Variants in SLC25A21 observed in about 807,000 individuals in gnomAD.
SLC25A21 encodes solute carrier family 25 member 21, also known as mitochondrial 2-oxodicarboxylate carrier.
Under a neutral mutation model 43.8 loss-of-function variants are expected in SLC25A21, and 47 were observed. The ratio of observed to expected loss-of-function variants is 1.07; its 90% confidence interval spans 0.85 to 1.37. SLC25A21 has a LOEUF of 1.37. Ranked by LOEUF, SLC25A21 falls within the 40% of genes most tolerant of loss-of-function variation. The pLI, the probability that SLC25A21 is intolerant of heterozygous loss-of-function variation, is 0.00. For missense variants in SLC25A21, 352 were observed against 350.2 expected (o/e 1.00, Z -0.04); for synonymous variants, 131 against 121.3 (o/e 1.08, Z -0.52).
chr14:36,727,330 A>G (rs745542698), intron 5 of SLC25A21, among the ~76,000 whole-genome samples: 2 of 152,266 alleles, frequency 1.3e-5, no homozygotes, highest in Non-Finnish European at 2.9e-5. Context: ...TTAAGGCTCA[A>G]AATAATGTGT....
chr14:37,123,186 T>C lies in SLC25A21; in HGVS notation c.70+49095A>G, dbSNP rs189771641. Reference sequence around the variant, plus strand: ...GGTTATTGCTTAATGCTGTAAGTGATTTCTTGGACTACTTTAACCTACAGG... The same window carrying C: ...GGTTATTGCTTAATGCTGTAAGTGACTTCTTGGACTACTTTAACCTACAGG... On this transcript the variant is annotated intron_variant, in intron 1 of 9. Coordinates refer to ENST00000331299, the MANE Select transcript of SLC25A21 (RefSeq NM_030631.4). Among the ~76,000 whole-genome samples, 64 of 152,334 alleles carry C rather than the reference T, an allele frequency of 4.2e-4. No homozygotes were observed. In the East Asian group the frequency reaches 9.4e-3, roughly 22 times the overall value.
intron 3 of SLC25A21, among the ~76,000 whole-genome samples, chr14:36,744,044 C>G (rs545294472): frequency 6.6e-6 from 1 of 152,152 alleles, no homozygotes; most frequent in South Asian, 2.1e-4. Flanking sequence ...ATAGATGACA[C>G]AAACAAGTGG....
rs1290711375 is a variant in SLC25A21 at position 37,098,797 on chromosome 14, ATAGATAGATT to A, written c.70+73474_70+73483del. Among the ~76,000 whole-genome samples, 32 of 103,366 alleles carry A rather than the reference ATAGATAGATT, an allele frequency of 3.1e-4. 1 individual carries two copies. The highest frequency in any genetic ancestry group is 1.2e-3 in the African/African-American group (30 of 24,416). The allele number at this position is 103,366 out of a possible 152,430, so 67.8% of individuals were successfully genotyped here. A position where few individuals can be genotyped will look rare whatever the true frequency, so the allele number is the denominator to read the frequency against. On this transcript the variant is annotated intron_variant, in intron 1 of 9. Coordinates refer to ENST00000331299, the MANE Select transcript of SLC25A21 (RefSeq NM_030631.4). ...GACAGACAGACAGACAGATAGATAG[ATAGATAGATT>A]TTTTTTTTTTTTTGAGACAAAGTCT... is the stretch of plus-strand genomic sequence containing the variant.
intron 1 of SLC25A21, among the ~76,000 whole-genome samples, chr14:37,020,121 A>T (rs1960952273): frequency 6.6e-6 from 1 of 151,970 alleles, no homozygotes; most frequent in Non-Finnish European, 1.5e-5. Flanking sequence ...TAAGAATGCC[A>T]GCTAATTTTC....
intron 3 of SLC25A21, among the ~76,000 whole-genome samples, chr14:36,750,882 A>C (rs541026514): frequency 1.2e-4 from 19 of 152,160 alleles, no homozygotes; most frequent in African/African-American, 4.3e-4. Context: ...ACTGTTTTTG[A>C]GCCAAAGACT....
intron 5 of SLC25A21, among the ~76,000 whole-genome samples, chr14:36,728,037 C>T (rs1168151815): frequency 6.6e-6 from 1 of 152,154 alleles, no homozygotes; most frequent in African/African-American, 2.4e-5. Context: ...GTTCAGCAGT[C>T]CCTTGTCAAA....
intron 1 of SLC25A21, among the ~76,000 whole-genome samples, chr14:36,910,764 C>A (rs1326340835): frequency 6.6e-6 from 1 of 152,168 alleles, no homozygotes; most frequent in African/African-American, 2.4e-5. Flanking sequence ...TTCGGAATTA[C>A]AGTCATTTCA....
At chr14:36,905,686 T>G (rs2138604538) in intron 1 of SLC25A21, among the ~76,000 whole-genome samples, 1 of 152,256 alleles carries the variant, frequency 6.6e-6, no homozygotes, top group South Asian at 2.1e-4. Context: ...CACAGAGGTC[T>G]GAAGGAGAAA....
chr14:36,998,794 G>GA (rs1594745186), intron 1 of SLC25A21, among the ~76,000 whole-genome samples: 1 of 151,400 alleles, frequency 6.6e-6, no homozygotes, highest in South Asian at 2.1e-4. Flanking sequence ...ATAAGTCTAG[G>GA]AAAAAATGTC....
chr14:36,776,169 A>G (rs1333289765), intron 3 of SLC25A21, among the ~76,000 whole-genome samples: 1 of 146,764 alleles, frequency 6.8e-6, no homozygotes, highest in Admixed American at 6.8e-5. Context: ...ACCACACTCA[A>G]TCCATCAATT....
chr14:36,943,783 T>G (rs1892621410), intron 1 of SLC25A21, among the ~76,000 whole-genome samples: 2 of 152,094 alleles, frequency 1.3e-5, no homozygotes, highest in South Asian at 4.1e-4. Flanking sequence ...CGCCAAGGCT[T>G]GGAAATAAGA....
At chr14:36,963,280 T>C (rs921652126) in intron 1 of SLC25A21, among the ~76,000 whole-genome samples, 2 of 152,156 alleles carry the variant, frequency 1.3e-5, no homozygotes, top group Admixed American at 6.5e-5. Flanking sequence ...TCCTGTTTTA[T>C]TCCCCAAAGT....
chr14:36,956,622 C>T (rs979660275), intron 1 of SLC25A21, among the ~76,000 whole-genome samples: 9 of 152,062 alleles, frequency 5.9e-5, no homozygotes, highest in African/African-American at 2.2e-4. Context: ...CTTTAAATAG[C>T]TGGAGAGAGA....
chr14:36,835,841 A>C (rs1292105111), intron 2 of SLC25A21, among the ~76,000 whole-genome samples: 1 of 152,208 alleles, frequency 6.6e-6, no homozygotes, highest in Non-Finnish European at 1.5e-5. Context: ...CTTCTCCTAC[A>C]TGACCAAAAG....
At chr14:37,130,840 G>A (rs1160964689) in intron 1 of SLC25A21, among the ~76,000 whole-genome samples, 1 of 152,216 alleles carries the variant, frequency 6.6e-6, no homozygotes, top group African/African-American at 2.4e-5. Flanking sequence ...ATTCTAAACA[G>A]ATGGGGAAAA....
At chr14:36,874,230 G>A (rs1178651886) in intron 2 of SLC25A21, among the ~76,000 whole-genome samples, 1 of 152,172 alleles carries the variant, frequency 6.6e-6, no homozygotes, top group Non-Finnish European at 1.5e-5. Context: ...ATTGTTGGCT[G>A]TTAGGCTCCA....
At chr14:37,009,396 G>C (rs1340729299) in intron 1 of SLC25A21, among the ~76,000 whole-genome samples, 1 of 152,108 alleles carries the variant, frequency 6.6e-6, no homozygotes, top group Non-Finnish European at 1.5e-5. Context: ...TGAGGCAGGA[G>C]AATTGCTTGA....
intron 1 of SLC25A21, among the ~76,000 whole-genome samples, chr14:36,961,660 T>G (rs539180793): frequency 7.0e-4 from 107 of 152,238 alleles, no homozygotes; most frequent in Non-Finnish European, 1.3e-3. Context: ...AGATGGCAAC[T>G]GGGCTCTCCA....
At chr14:37,077,292 A>G (rs573723603) in intron 1 of SLC25A21, among the ~76,000 whole-genome samples, 12 of 152,358 alleles carry the variant, frequency 7.9e-5, no homozygotes, top group African/African-American at 2.9e-4. Flanking sequence ...AAAAAATTCA[A>G]TGGAAACAGG....
Sources: gnomAD v4.1 joint callset for allele counts (sites outside exome capture counted in the v4.1 genomes callset) on GRCh38, gnomAD v4.1.1 for gene constraint, MANE v1.5 for transcripts, NCBI Gene and HGNC (gene_info 2026-07-23, HGNC 2026-07-21) for gene names.